CTNND2: variants seen among roughly 807,000 people sequenced by gnomAD.
The protein encoded by CTNND2 is catenin delta 2.
In CTNND2, 22 loss-of-function variants were observed where a neutral mutation model predicts 144.4. That is an observed-to-expected ratio of 0.15 (90% CI 0.11 to 0.22). The LOEUF (loss-of-function observed/expected upper bound fraction) is 0.22, where lower values mean the gene tolerates loss of function less well. CTNND2 is among the 10% of genes least tolerant of loss of function. The pLI is 1.00. For synonymous variants in CTNND2, 751 were observed against 695.6 expected, an observed-to-expected ratio of 1.08 and a Z score of -1.25; for missense variants, 1,353 against 1,618.8, an observed-to-expected ratio of 0.84 and a Z score of 2.82.
intron 1 of CTNND2, among the ~76,000 whole-genome samples, chr5:11,883,452 T>A (rs1296095030): frequency 6.6e-6 from 1 of 152,174 alleles, no homozygotes; most frequent in African/African-American, 2.4e-5. Context: ...TGTTTCTGTG[T>A]CAGTTTGCTG....
chr5:11,511,248 A>G (rs1022809345), intron 3 of CTNND2, among the ~76,000 whole-genome samples: 4 of 152,236 alleles, frequency 2.6e-5, no homozygotes, highest in Admixed American at 1.3e-4. Flanking sequence ...ACATTTAATG[A>G]GTCACAGACA....
chr5:11,279,178 T>C (rs1746861483), intron 9 of CTNND2, among the ~76,000 whole-genome samples: 1 of 152,166 alleles, frequency 6.6e-6, no homozygotes, highest in Non-Finnish European at 1.5e-5. Context: ...GTTGATTTTA[T>C]AACACCAATC....
chr5:11,823,321 T>A (rs1793419811), intron 1 of CTNND2, among the ~76,000 whole-genome samples: 1 of 152,220 alleles, frequency 6.6e-6, no homozygotes, highest in African/African-American at 2.4e-5. Context: ...TTTGTGGATT[T>A]GTGCTGGGTG....
At chr5:11,877,007 C>T (rs1338772624) in intron 1 of CTNND2, among the ~76,000 whole-genome samples, 1 of 152,048 alleles carries the variant, frequency 6.6e-6, no homozygotes, top group Non-Finnish European at 1.5e-5. Context: ...CCTGCCCATG[C>T]TTCTTATGTC....
intron 5 of CTNND2, among the ~76,000 whole-genome samples, chr5:11,402,499 C>T (rs1760723259): frequency 6.6e-6 from 1 of 152,232 alleles, no homozygotes; most frequent in African/African-American, 2.4e-5. Context: ...CTAATGATTT[C>T]ATTTGTAGCA....
intron 2 of CTNND2, among the ~76,000 whole-genome samples, chr5:11,568,962 C>T (rs555182743): frequency 6.6e-6 from 1 of 152,194 alleles, no homozygotes; most frequent in South Asian, 2.1e-4. Context: ...ACTAATTCAG[C>T]AAAAGTGAGA....
chr5:11,546,040 C>G (rs1282358845), intron 3 of CTNND2, among the ~76,000 whole-genome samples: 1 of 151,990 alleles, frequency 6.6e-6, no homozygotes, highest in Admixed American at 6.6e-5. Flanking sequence ...AAACATGATG[C>G]TAAGTGAAAA....
At chr5:11,648,994 C>A (rs115329673) in intron 2 of CTNND2, among the ~76,000 whole-genome samples, 3,199 of 152,208 alleles carry the variant, frequency 0.021, 111 homozygotes, top group African/African-American at 0.073. Flanking sequence ...TATTAATTCC[C>A]ATCCCTTTCA....
chr5:11,042,763 A>G (rs929095896), intron 16 of CTNND2, among the ~76,000 whole-genome samples: 1 of 152,202 alleles, frequency 6.6e-6, no homozygotes, highest in Non-Finnish European at 1.5e-5. Flanking sequence ...GATTTCCTCC[A>G]GAGCTGAAAT....
intron 9 of CTNND2, among the ~76,000 whole-genome samples, chr5:11,292,414 C>T (rs1395631109): frequency 1.3e-5 from 2 of 152,006 alleles, no homozygotes; most frequent in African/African-American, 4.8e-5. Flanking sequence ...GGCTTTGTGT[C>T]CCCACCAAAA....
intron 12 of CTNND2, among the ~76,000 whole-genome samples, chr5:11,121,476 G>A (rs1045786027): frequency 6.6e-6 from 1 of 152,112 alleles, no homozygotes; most frequent in Admixed American, 6.5e-5. Flanking sequence ...ATCCTTATTA[G>A]TAACCTTTAC....
chr5:11,231,389 T>C (rs540934283), intron 10 of CTNND2, among the ~76,000 whole-genome samples: 2 of 152,256 alleles, frequency 1.3e-5, no homozygotes, highest in East Asian at 3.9e-4. Flanking sequence ...GTTTGGAAGT[T>C]CCTAGAGACT....
At chr5:10,987,971 C>T (rs1374577460) in intron 20 of CTNND2, 140 bp downstream of exon 20, 4 of 1,039,662 alleles carry the variant, frequency 3.8e-6, no homozygotes, top group Non-Finnish European at 4.2e-6. Flanking sequence ...CATTATCAAG[C>T]TCTCAAGTGA....
intron 2 of CTNND2, among the ~76,000 whole-genome samples, chr5:11,719,451 A>G (rs1208513862): frequency 6.6e-6 from 1 of 152,210 alleles, no homozygotes; most frequent in Non-Finnish European, 1.5e-5. Context: ...GGTGGAGACA[A>G]TGGTTCCTAA....
chr5:11,191,797 C>T (rs940512354), intron 11 of CTNND2, among the ~76,000 whole-genome samples: 2 of 152,086 alleles, frequency 1.3e-5, no homozygotes, highest in Admixed American at 6.5e-5. Flanking sequence ...CTTTGTGTAT[C>T]ACTCATGTGG....
chr5:11,707,485 C>A lies in CTNND2; in HGVS notation c.174+24651G>T, dbSNP rs75971469. 2.8e-3 allele frequency among the ~76,000 whole-genome samples: 419 copies of A among 152,190 alleles called. 7 individuals are homozygous for A. The East Asian group carries it at 0.068, about 25-fold the overall frequency. On this transcript the variant is annotated intron_variant, in intron 2 of 21. Coordinates refer to ENST00000304623, the MANE Select transcript of CTNND2 (RefSeq NM_001332.4). ...GTAAGACCTCAAACAAATTCAGGAC[C>A]CTAAATGAAAAGGAGTCTGGGAAAT...
At chr5:11,521,837 T>G (rs1772750958) in intron 3 of CTNND2, among the ~76,000 whole-genome samples, 1 of 152,206 alleles carries the variant, frequency 6.6e-6, no homozygotes, top group East Asian at 1.9e-4. Context: ...GGAAATAACA[T>G]AGAGAGCTTT....
At chr5:11,173,326 C>T (rs566246690) in intron 11 of CTNND2, among the ~76,000 whole-genome samples, 6 of 152,332 alleles carry the variant, frequency 3.9e-5, no homozygotes, top group South Asian at 2.1e-4. Context: ...CCTCTCTTCA[C>T]GGCTCCCAAT....
At chr5:11,770,101 G>A (rs1789830120) in intron 1 of CTNND2, among the ~76,000 whole-genome samples, 1 of 152,128 alleles carries the variant, frequency 6.6e-6, no homozygotes, top group Non-Finnish European at 1.5e-5. Flanking sequence ...GTTGTGAAGA[G>A]GAGTAGAAGC....
Sources: allele counts gnomAD v4.1 joint callset (sites outside exome capture counted in the v4.1 genomes callset), GRCh38; gene constraint gnomAD v4.1.1; transcripts MANE v1.5; gene names NCBI Gene and HGNC (gene_info 2026-07-23, HGNC 2026-07-21).